Variants in KCTD8 observed in about 807,000 individuals in gnomAD.
The protein encoded by KCTD8 is BTB/POZ domain-containing protein KCTD8.
A neutral mutation model predicts 31.5 loss-of-function variants in KCTD8; 27 were observed. The ratio of observed to expected loss-of-function variants is 0.86; its 90% CI spans 0.63 to 1.18. The LOEUF (loss-of-function observed/expected upper bound fraction) is 1.18, where lower values mean the gene tolerates loss of function less well. KCTD8 is among the 50% of genes most tolerant of loss of function. The pLI is 0.00. For missense variants in KCTD8, 658 were observed against 647.7 expected, an observed-to-expected ratio of 1.02 and a Z score of -0.17; for synonymous variants, 290 against 280.0, an observed-to-expected ratio of 1.04 and a Z score of -0.36.
At chr4:44,443,447 C>T (rs1372200294) in intron 1 of KCTD8, among the ~76,000 whole-genome samples, 2 of 152,160 alleles carry the variant, frequency 1.3e-5, no homozygotes, top group African/African-American at 4.8e-5. Context: ...ATATTTTCAA[C>T]TCAACTAGTT....
intron 1 of KCTD8, among the ~76,000 whole-genome samples, chr4:44,333,953 C>T (rs1267236923): frequency 1.3e-5 from 2 of 152,022 alleles, no homozygotes; most frequent in Non-Finnish European, 2.9e-5. Context: ...AATCAAAATA[C>T]ATGGATCACA....
At chr4:44,197,812 A>G (rs1473236565) in intron 1 of KCTD8, among the ~76,000 whole-genome samples, 1 of 152,220 alleles carries the variant, frequency 6.6e-6, no homozygotes, top group Non-Finnish European at 1.5e-5. Context: ...TTTTAACCAG[A>G]CTGAAATGAC....
intron 1 of KCTD8, among the ~76,000 whole-genome samples, chr4:44,420,158 A>C (rs1721177195): frequency 6.6e-6 from 1 of 152,076 alleles, no homozygotes; most frequent in African/African-American, 2.4e-5. Context: ...AAAAAAAACA[A>C]CTCATGGGAG....
rs1721978863 is a variant in KCTD8, at chr4:44,447,702, G to A, written c.822C>T (p.Thr274=). The part of the protein sequence containing the change: ...KYTSRFYLKF[T]YLEQAFDRLS... Reference sequence around the variant, plus strand: ...GGCGATCAAAGGCCTGCTCCAAGTAGGTGAACTTGAGGTAGAAGCGGGACG... The same window carrying A: ...GGCGATCAAAGGCCTGCTCCAAGTAAGTGAACTTGAGGTAGAAGCGGGACG... The change falls in exon 1 of 2, where the codon ACC becomes ACT. Residue 274 remains threonine (T), a synonymous_variant. Coordinates refer to ENST00000360029, the MANE Select transcript of KCTD8 (RefSeq NM_198353.3). 6.2e-7 allele frequency: 1 copy of A among 1,612,696 alleles called. No individual in the cohort carries two copies. Among genetic ancestry groups the A allele is most frequent in the South Asian group, 1.1e-5 (1 of 90,780 alleles).
At chr4:44,439,037 C>T (rs1239596788) in intron 1 of KCTD8, among the ~76,000 whole-genome samples, 1 of 152,164 alleles carries the variant, frequency 6.6e-6, no homozygotes, top group African/African-American at 2.4e-5. Flanking sequence ...AGTATTAAAA[C>T]ATTCATTGTG....
intron 1 of KCTD8, among the ~76,000 whole-genome samples, chr4:44,316,795 GAAAAAAAAAAAAA>G (rs71188270): frequency 7.4e-4 from 30 of 40,358 alleles, no homozygotes; most frequent in African/African-American, 1.3e-3. Context: ...CTAAAAATAC[GAAAAAAAAAAAAA>G]AAAAAAAAAA....
At chr4:44,381,848 A>C (rs1025592319) in intron 1 of KCTD8, among the ~76,000 whole-genome samples, 50 of 151,448 alleles carry the variant, frequency 3.3e-4, no homozygotes, top group African/African-American at 1.2e-3. Context: ...TGAGGCCCTC[A>C]CCAGGAGCAA....
At chr4:44,430,026 G>A (rs1297519368) in intron 1 of KCTD8, among the ~76,000 whole-genome samples, 3 of 147,370 alleles carry the variant, frequency 2.0e-5, no homozygotes, top group East Asian at 4.1e-4. Flanking sequence ...ATGTAACTGG[G>A]GGGTTTAAAA....
At chr4:44,263,171 G>T (rs1439766556) in intron 1 of KCTD8, among the ~76,000 whole-genome samples, 1 of 151,794 alleles carries the variant, frequency 6.6e-6, no homozygotes, top group African/African-American at 2.4e-5. Flanking sequence ...TCTTCATTTT[G>T]TCACATTATA....
intron 1 of KCTD8, among the ~76,000 whole-genome samples, chr4:44,238,582 A>G (rs898976452): frequency 1.3e-5 from 2 of 152,192 alleles, no homozygotes; most frequent in African/African-American, 4.8e-5. Flanking sequence ...TATCTATGCA[A>G]AAATACTGAC....
At chr4:44,381,652 G>T (rs1577646358) in intron 1 of KCTD8, among the ~76,000 whole-genome samples, 1 of 152,168 alleles carries the variant, frequency 6.6e-6, no homozygotes, top group East Asian at 1.9e-4. Context: ...GGTGGGAGGT[G>T]ATTAGATCAT....
At chr4:44,277,831 T>A (rs1043609596) in intron 1 of KCTD8, among the ~76,000 whole-genome samples, 12 of 151,930 alleles carry the variant, frequency 7.9e-5, no homozygotes, top group Non-Finnish European at 1.8e-4. Flanking sequence ...GTTGTGGAAT[T>A]GGACTTTGGA....
chr4:44,442,682 C>A (rs973021783), intron 1 of KCTD8, among the ~76,000 whole-genome samples: 1 of 151,984 alleles, frequency 6.6e-6, no homozygotes, highest in Non-Finnish European at 1.5e-5. Flanking sequence ...CAAATTCCAG[C>A]TAATAATTTA....
At chr4:44,185,331 A>G (rs1008364714) in intron 1 of KCTD8, among the ~76,000 whole-genome samples, 2 of 152,190 alleles carry the variant, frequency 1.3e-5, no homozygotes, top group Non-Finnish European at 1.5e-5. Flanking sequence ...ATTTCTCATT[A>G]TATTTCCTAA....
intron 1 of KCTD8, among the ~76,000 whole-genome samples, chr4:44,371,105 G>A (rs1046111209): frequency 1.6e-4 from 24 of 151,954 alleles, no homozygotes; most frequent in African/African-American, 5.8e-4. Context: ...AGAACCAGGA[G>A]TGCTAATGCT....
chr4:44,228,822 T>C (rs1249676726), intron 1 of KCTD8, among the ~76,000 whole-genome samples: 1 of 152,242 alleles, frequency 6.6e-6, no homozygotes, highest in Non-Finnish European at 1.5e-5. Flanking sequence ...GACTTATACA[T>C]TAAAGAGTTT....
At chr4:44,345,254 T>G (rs895420122) in intron 1 of KCTD8, among the ~76,000 whole-genome samples, 4 of 152,022 alleles carry the variant, frequency 2.6e-5, no homozygotes, top group African/African-American at 9.7e-5. Flanking sequence ...TCCCCAAGTT[T>G]TAATATAAAC....
intron 1 of KCTD8, among the ~76,000 whole-genome samples, chr4:44,240,888 G>C (rs1283093780): frequency 6.6e-6 from 1 of 152,204 alleles, no homozygotes; most frequent in Admixed American, 6.5e-5. Context: ...GGGAATTTCT[G>C]TTATCTTCCC....
intron 1 of KCTD8, among the ~76,000 whole-genome samples, chr4:44,292,015 C>G (rs182634944): frequency 7.0e-6 from 1 of 143,882 alleles, no homozygotes; most frequent in African/African-American, 2.6e-5. Flanking sequence ...AGAAAGAACA[C>G]TTATACACTC....
Sources: gnomAD v4.1 joint callset for allele counts (sites outside exome capture counted in the v4.1 genomes callset) on GRCh38, gnomAD v4.1.1 for gene constraint, MANE v1.5 for transcripts, NCBI Gene and HGNC (gene_info 2026-07-23, HGNC 2026-07-21) for gene names.